CYP2C19: variants seen among roughly 807,000 people sequenced by gnomAD.
The protein encoded by CYP2C19 is cytochrome P450 family 2 subfamily C member 19.
CYP2C19 carries 59 observed loss-of-function variants against 40.9 expected under a neutral mutation model. The ratio of observed to expected loss-of-function variants is 1.44; its 90% confidence interval spans 1.17 to 1.79. The LOEUF is 1.79. CYP2C19 is among the 40% of genes most tolerant of loss of function. CYP2C19 has a pLI of 0.00. For missense variants in CYP2C19, 754 were observed against 596.9 expected (o/e 1.26, Z -2.74); for synonymous variants, 253 against 208.7 (o/e 1.21, Z -1.83).
intron 5 of CYP2C19, among the ~76,000 whole-genome samples, chr10:94,793,970 G>C (rs1848646420): frequency 2.6e-5 from 4 of 152,210 alleles, no homozygotes; most frequent in African/African-American, 4.8e-5. Context: ...GTAGTCTACA[G>C]AGGCAGGCAG....
intron 1 of CYP2C19, among the ~76,000 whole-genome samples, chr10:94,768,781 C>T (rs1848285864): frequency 6.6e-6 from 1 of 152,158 alleles, no homozygotes; most frequent in South Asian, 2.1e-4. Context: ...TGAGTAAGGA[C>T]TCCAAGAGGT....
intron 5 of CYP2C19, among the ~76,000 whole-genome samples, chr10:94,794,598 C>A (rs1294581763): frequency 1.3e-5 from 2 of 152,094 alleles, no homozygotes; most frequent in Non-Finnish European, 2.9e-5. Flanking sequence ...GTTGGTAGTT[C>A]TCCTTGAAGA....
intron 6 of CYP2C19, among the ~76,000 whole-genome samples, chr10:94,826,394 C>G (rs1849222448): frequency 6.6e-6 from 1 of 152,026 alleles, no homozygotes; most frequent in South Asian, 2.1e-4. Flanking sequence ...AGTTGGATTC[C>G]TAGGTATTTT....
intron 3 of CYP2C19, among the ~76,000 whole-genome samples, chr10:94,779,927 T>A (rs1481361313): frequency 6.6e-6 from 1 of 152,214 alleles, no homozygotes; most frequent in Non-Finnish European, 1.5e-5. Flanking sequence ...TGTTTAATTT[T>A]TTTGACAAAC....
intron 5 of CYP2C19, among the ~76,000 whole-genome samples, chr10:94,794,015 G>T (rs906243992): frequency 6.6e-6 from 1 of 152,040 alleles, no homozygotes; most frequent in Non-Finnish European, 1.5e-5. Flanking sequence ...CACCCAGTTC[G>T]AGCTTCCTGG....
rs778852965 is a variant in CYP2C19 at position 94,820,637 on chromosome 10, G to T, written c.961G>T (p.Ala321Ser). ...CCTGCTGAAGCACCCAGAGGTCACAGGTATGATCACAGAGGATGAGTTAAT... is the reference window on the plus strand; with the variant it reads ...CCTGCTGAAGCACCCAGAGGTCACATGTATGATCACAGAGGATGAGTTAAT... ...LLLLKHPEVT[A>S]KVQEEIERVI... Residue 321 changes from alanine to serine, a missense_variant and splice_region_variant, in exon 6 of 9, where the codon GCT (alanine) becomes TCT (serine). By Grantham distance (99) the Ala-to-Ser change is moderately conservative. Transcript: ENST00000371321. The T allele has an allele frequency of 6.0e-5, 97 of 1,614,064 alleles. No homozygotes were observed. Among genetic ancestry groups the T allele is most frequent in the Middle Eastern group, 1.6e-4 (1 of 6,084 alleles).
In CYP2C19 at chr10:94,854,142, C is replaced by A. The variant is rs1007549243; in HGVS notation, c.*1228C>A. Among the ~76,000 whole-genome samples the A allele has an allele frequency of 6.6e-6, 1 of 151,932 alleles. No individual in the cohort carries two copies. Among genetic ancestry groups the A allele is most frequent in the Non-Finnish European group, 1.5e-5 (1 of 67,988 alleles). ...CAAGTGGTTCTCCTGCCTCAGCCCCCCAAGTAGCTGGGATTACAGGTGCCT... is the reference window on the plus strand; with the variant it reads ...CAAGTGGTTCTCCTGCCTCAGCCCCACAAGTAGCTGGGATTACAGGTGCCT... On this transcript the variant is annotated 3_prime_UTR_variant, in exon 9 of 9. Coordinates refer to ENST00000371321, the MANE Select transcript of CYP2C19 (RefSeq NM_000769.4).
Position 94,820,538 on chromosome 10 carries a change from G to T in CYP2C19, c.862G>T (p.Val288Leu). The change falls in exon 6 of 9, where the codon GTA becomes TTA. Residue 288 changes from valine to leucine, a missense_variant. Coordinates refer to ENST00000371321, the MANE Select transcript of CYP2C19 (RefSeq NM_000769.4). ...QQSEFTIENL[V>L]ITAADLLGAG... is the part of the protein sequence containing the mutation. ...GTCTGAATTCACTATTGAAAACTTG[G>T]TAATCACTGCAGCTGACTTACTTGG... 3 of 1,614,142 alleles carry T rather than the reference G, an allele frequency of 1.9e-6. No homozygotes were observed. The highest frequency in any genetic ancestry group is 2.5e-6 in the Non-Finnish European group (3 of 1,180,018).
intron 5 of CYP2C19, among the ~76,000 whole-genome samples, chr10:94,794,041 A>G (rs894840257): frequency 1.1e-4 from 16 of 151,956 alleles, no homozygotes; most frequent in South Asian, 6.2e-4. Flanking sequence ...TTGTTAACCT[A>G]CTCAAGCCTC....
rs569134532 is a variant in CYP2C19 at position 94,773,325 on chromosome 10, G to A, written c.169-1733G>A. On this transcript the variant is annotated intron_variant, in intron 1 of 8. Transcript: ENST00000371321. ...GAGTGTTACAGTTCTTAAAGATGGT[G>A]TGTCTGGAGTTTGTTCCTTCAGATG... 2.6e-5 allele frequency among the ~76,000 whole-genome samples: 4 copies of A among 152,314 alleles called. No individual in the cohort carries two copies. The East Asian group carries it at 5.8e-4, about 22-fold the overall frequency.
Position 94,850,066 on chromosome 10 carries a change from A to T in CYP2C19, c.1291+8A>T, listed in dbSNP as rs777490712. 2.2e-5 allele frequency: 35 copies of T among 1,613,048 alleles called. No homozygotes were observed. The highest frequency in any genetic ancestry group is 3.0e-5 in the Non-Finnish European group (35 of 1,179,390). On this transcript the variant is annotated splice_region_variant and intron_variant, in intron 8 of 8. Transcript: ENST00000371321. ...TCATGCCTTTCTCAGCAGGTAATAT[A>T]AATTTATTTCCCTTTGTGTTTCAGG...
At position 94,842,960 on chromosome 10, in the gene CYP2C19, T is replaced by C. The variant is rs1342382950; in HGVS notation, c.1085T>C (p.Ile362Thr). ...GAGGTCCAGAGATACATCGACCTCA[T>C]CCCCACCAGCCTGCCCCATGCAGTG... ...VHEVQRYIDL[I>T]PTSLPHAVTC... The change falls in exon 7 of 9, where the codon ATC becomes ACC. Residue 362 changes from isoleucine to threonine, a missense_variant. Transcript: ENST00000371321. 4 of 1,614,080 alleles carry C rather than the reference T, an allele frequency of 2.5e-6. No homozygotes were observed. Among genetic ancestry groups the C allele is most frequent in the Non-Finnish European group, 3.4e-6 (4 of 1,180,048 alleles).
chr10:94,842,954 A>T lies in CYP2C19; in HGVS notation c.1079A>T (p.Asp360Val), dbSNP rs550527959. 2.5e-6 allele frequency: 4 copies of T among 1,614,170 alleles called. No homozygotes were observed. The East Asian group carries it at 6.7e-5, about 27-fold the overall frequency. The change falls in exon 7 of 9, where the codon GAC becomes GTC. Residue 360 changes from aspartate (D) to valine (V), a missense_variant. Transcript: ENST00000371321. ...GTGCACGAGGTCCAGAGATACATCG[A>T]CCTCATCCCCACCAGCCTGCCCCAT... ...AVVHEVQRYI[D>V]LIPTSLPHAV...
chr10:94,786,137 C>G (rs1433186060), intron 5 of CYP2C19, among the ~76,000 whole-genome samples: 1 of 152,070 alleles, frequency 6.6e-6, no homozygotes, highest in Non-Finnish European at 1.5e-5. Context: ...CCTTAACCCA[C>G]TCAGATGTGT....
chr10:94,848,639 T>A (rs1455527429), intron 7 of CYP2C19, among the ~76,000 whole-genome samples: 2 of 152,220 alleles, frequency 1.3e-5, no homozygotes, highest in African/African-American at 4.8e-5. Context: ...TTGATGGGGA[T>A]GGCATTGAAT....
At chr10:94,777,227 A>G (rs566521086) in intron 3 of CYP2C19, among the ~76,000 whole-genome samples, 34 of 152,268 alleles carry the variant, frequency 2.2e-4, no homozygotes, top group African/African-American at 7.9e-4. Context: ...CCATATTGCC[A>G]AAAGTAATTT....
intron 5 of CYP2C19, among the ~76,000 whole-genome samples, chr10:94,812,126 G>T (rs950998456): frequency 6.6e-6 from 1 of 152,012 alleles, no homozygotes. Flanking sequence ...TTTCTCCTTT[G>T]CCTATGAAGC....
chr10:94,827,086 G>A (rs1171017444), intron 6 of CYP2C19, among the ~76,000 whole-genome samples: 2 of 151,886 alleles, frequency 1.3e-5, no homozygotes, highest in Non-Finnish European at 2.9e-5. Flanking sequence ...GAGGATTTTT[G>A]CATGAATGTT....
chr10:94,786,659 A>G (rs1483706976), intron 5 of CYP2C19, among the ~76,000 whole-genome samples: 3 of 152,132 alleles, frequency 2.0e-5, no homozygotes, highest in South Asian at 4.1e-4. Flanking sequence ...ATAGTACCCA[A>G]TAGGTAGTTT....
Sources: allele counts gnomAD v4.1 joint callset (sites outside exome capture counted in the v4.1 genomes callset), GRCh38; gene constraint gnomAD v4.1.1; transcripts MANE v1.5; gene names NCBI Gene and HGNC (gene_info 2026-07-23, HGNC 2026-07-21).